Variants in QSER1 observed in about 807,000 individuals in gnomAD.
QSER1 encodes glutamine and serine-rich protein 1.
A neutral mutation model predicts 158.5 loss-of-function variants in QSER1; 49 were observed. That is an observed-to-expected ratio of 0.31 (90% CI 0.25 to 0.39). QSER1 has a LOEUF of 0.39. Among genes scored for constraint, QSER1 ranks in the 10% least tolerant of loss-of-function variants. QSER1 has a pLI of 1.00. For synonymous variants in QSER1, 650 were observed against 715.5 expected (o/e 0.91, Z 1.46); for missense variants, 1,754 against 2,010.3 (o/e 0.87, Z 2.44).
At chr11:32,908,045 A>T (rs574416511) in intron 1 of QSER1, among the ~76,000 whole-genome samples, 1 of 152,290 alleles carries the variant, frequency 6.6e-6, no homozygotes, top group South Asian at 2.1e-4. Context: ...GGCTGCAGTG[A>T]GCCATGATCA....
intron 1 of QSER1, among the ~76,000 whole-genome samples, chr11:32,925,630 T>G (rs1311613888): frequency 2.0e-5 from 3 of 151,906 alleles, no homozygotes; most frequent in African/African-American, 7.3e-5. Context: ...TGGGTTCAAG[T>G]GATTCTCGTG....
intron 4 of QSER1, among the ~76,000 whole-genome samples, chr11:32,946,104 T>C (rs894372372): frequency 3.0e-4 from 46 of 152,146 alleles, no homozygotes; most frequent in Non-Finnish European, 7.4e-5. Flanking sequence ...CTTTAAGCAC[T>C]TCTCTGTATT....
At chr11:32,894,937 C>T (rs1851536031) in intron 1 of QSER1, among the ~76,000 whole-genome samples, 1 of 152,192 alleles carries the variant, frequency 6.6e-6, no homozygotes, top group South Asian at 2.1e-4. Flanking sequence ...GGATAATTTA[C>T]AAATGAAAAT....
At chr11:32,894,977 G>T (rs1448647228) in intron 1 of QSER1, among the ~76,000 whole-genome samples, 3 of 152,184 alleles carry the variant, frequency 2.0e-5, no homozygotes, top group Non-Finnish European at 4.4e-5. Context: ...AGCATGATAG[G>T]TATTTGTGCC....
Position 32,906,083 on chromosome 11 carries a change from T to C in QSER1, c.209+12749T>C, listed in dbSNP as rs569879321. On this transcript the variant is annotated intron_variant, in intron 1 of 12. Coordinates refer to ENST00000650167, the MANE Select transcript of QSER1 (RefSeq NM_001076786.3). The stretch of plus-strand genomic sequence containing the variant: ...CCACCTTAAAGTTGATTTTCTCTAC[T>C]ATAAAAAAGACTATTTTTTAGTTTT... Among the ~76,000 whole-genome samples the C allele has an allele frequency of 3.3e-5, 5 of 150,806 alleles. No individual in the cohort carries two copies. In the East Asian group the frequency reaches 9.7e-4, roughly 29 times the overall value.
intron 11 of QSER1, among the ~76,000 whole-genome samples, chr11:32,973,848 GCATAT>G (rs1852918896): frequency 6.6e-6 from 1 of 152,176 alleles, no homozygotes; most frequent in East Asian, 1.9e-4. Context: ...TTTTTAAATT[GCATAT>G]ATTATGTACA....
intron 4 of QSER1, among the ~76,000 whole-genome samples, chr11:32,943,039 G>A (rs1282513667): frequency 5.9e-5 from 9 of 151,318 alleles, no homozygotes; most frequent in African/African-American, 2.2e-4. Context: ...CTGTTTGTCT[G>A]TTGTTGGTGT....
At position 32,954,110 on chromosome 11, in the gene QSER1, C is replaced by T. The variant is rs768813472; in HGVS notation, c.4431C>T (p.Ser1477=). 1.1e-5 allele frequency: 18 copies of T among 1,613,838 alleles called. No homozygotes were observed. In the South Asian group the frequency reaches 1.2e-4, roughly 11 times the overall value. ...TTACAGATGAGGAGGACACAGAAAG[C>T]GGAGGAGAAGGCCAATACAGAGAGC... The part of the protein sequence containing the change: ...EGFTDEEDTE[S]GGEGQYRERD... Residue 1477 remains serine (S), a synonymous_variant, in exon 5 of 13, where the codon AGC becomes AGT. Transcript: ENST00000650167.
chr11:32,948,286 A>G (rs913471805), intron 4 of QSER1, among the ~76,000 whole-genome samples: 5 of 152,356 alleles, frequency 3.3e-5, no homozygotes, highest in Non-Finnish European at 7.3e-5. Context: ...CTGGAAAGCA[A>G]GAAAATATCG....
At chr11:32,964,808 TA>T in intron 8 of QSER1, among the ~76,000 whole-genome samples, 1 of 147,344 alleles carries the variant, frequency 6.8e-6, no homozygotes, top group African/African-American at 2.5e-5. Context: ...GCACACTATA[TA>T]CCCACAACAT....
intron 9 of QSER1, 34 bp downstream of exon 9, chr11:32,966,471 A>G (rs918945008): frequency 1.3e-6 from 2 of 1,579,916 alleles, no homozygotes; most frequent in Non-Finnish European, 1.7e-6. Context: ...CCTTGGTAGT[A>G]CTTCCTGGAA....
At position 32,934,031 on chromosome 11, in the gene QSER1, A is replaced by G. The variant is rs777222714; in HGVS notation, c.2773A>G (p.Met925Val). 78 of 1,613,644 alleles carry G rather than the reference A, an allele frequency of 4.8e-5. 1 individual carries two copies. In the South Asian group the frequency reaches 7.4e-4, roughly 15 times the overall value. ...TCCTCAAAATTCTGAAGTTATGAAA[A>G]TGGACCTCTCTGAGTCTTCAAAACC... ...LHPQNSEVMK[M>V]DLSESSKPLQ... The change falls in exon 4 of 13, where the codon ATG becomes GTG. Residue 925 changes from methionine to valine, a missense_variant. Physicochemically the swap from Met to Val is conservative, Grantham distance 21. Coordinates refer to ENST00000650167, the MANE Select transcript of QSER1 (RefSeq NM_001076786.3).
intron 1 of QSER1, among the ~76,000 whole-genome samples, chr11:32,918,668 G>A (rs915648082): frequency 6.6e-6 from 1 of 151,898 alleles, no homozygotes; most frequent in African/African-American, 2.4e-5. Flanking sequence ...GAATGACTCA[G>A]GCTGAGGATG....
intron 1 of QSER1, among the ~76,000 whole-genome samples, chr11:32,917,839 A>AC (rs1323469031): frequency 1.3e-5 from 2 of 151,316 alleles, no homozygotes; most frequent in Admixed American, 6.6e-5. Context: ...AAAAAAAAAA[A>AC]AAAAACCAGC....
intron 1 of QSER1, among the ~76,000 whole-genome samples, chr11:32,922,939 T>G (rs1669540015): frequency 6.6e-6 from 1 of 152,202 alleles, no homozygotes. Flanking sequence ...CATTACTGTA[T>G]AACTCAGCCA....
intron 1 of QSER1, among the ~76,000 whole-genome samples, chr11:32,905,936 ATATGT>A (rs577948183): frequency 8.5e-4 from 129 of 152,262 alleles, no homozygotes; most frequent in African/African-American, 3.1e-3. Flanking sequence ...CATTTGATTA[ATATGT>A]TATAATTTTT....
intron 1 of QSER1, among the ~76,000 whole-genome samples, chr11:32,919,785 C>CT (rs772302536): frequency 2.8e-4 from 42 of 152,174 alleles, no homozygotes; most frequent in Non-Finnish European, 5.4e-4. Flanking sequence ...CTCTTCCTCT[C>CT]TATTTATTCA....
intron 9 of QSER1, among the ~76,000 whole-genome samples, chr11:32,967,826 T>C (rs978025588): frequency 1.3e-5 from 2 of 152,180 alleles, no homozygotes; most frequent in African/African-American, 4.8e-5. Context: ...GTAACCTGTA[T>C]ATCAGTCATT....
intron 10 of QSER1, among the ~76,000 whole-genome samples, chr11:32,969,371 A>G (rs941749575): frequency 6.6e-6 from 1 of 152,154 alleles, no homozygotes; most frequent in African/African-American, 2.4e-5. Flanking sequence ...TATATCTTCT[A>G]TAAAATAATT....
Sources: allele counts gnomAD v4.1 joint callset (sites outside exome capture counted in the v4.1 genomes callset), GRCh38; gene constraint gnomAD v4.1.1; transcripts MANE v1.5; gene names NCBI Gene and HGNC (gene_info 2026-07-23, HGNC 2026-07-21).